Variants in DNAH1 observed in about 807,000 individuals in gnomAD.
DNAH1 encodes dynein axonemal heavy chain 1, also known as axonemal beta dynein heavy chain 1.
Under a neutral mutation model 484.3 loss-of-function variants are expected in DNAH1, and 327 were observed. That is an observed-to-expected ratio of 0.68 (90% CI 0.62 to 0.74). The LOEUF (loss-of-function observed/expected upper bound fraction) is 0.74, where lower values mean the gene tolerates loss of function less well. Among genes scored for constraint, DNAH1 ranks in the 30% least tolerant of loss-of-function variants. DNAH1 has a pLI of 0.00. For missense variants in DNAH1, 5,052 were observed against 5,546.8 expected (o/e 0.91, Z 2.83); for synonymous variants, 2,192 against 2,191.9 (o/e 1.00, Z 0.00).
chr3:52,334,439 C>G (rs901116420), intron 8 of DNAH1, among the ~76,000 whole-genome samples: 5 of 152,150 alleles, frequency 3.3e-5, no homozygotes, highest in Non-Finnish European at 7.3e-5. Flanking sequence ...ACTGTATACA[C>G]TTAGGCTACA....
At chr3:52,318,274 T>C (rs1701024179) in intron 1 of DNAH1, among the ~76,000 whole-genome samples, 1 of 152,334 alleles carries the variant, frequency 6.6e-6, no homozygotes, top group Non-Finnish European at 1.5e-5. Context: ...GGTCTTAAAC[T>C]CCTGACCTCG....
rs1304426791 is a variant in DNAH1, at chr3:52,322,665, G to A, written c.223G>A (p.Gly75Arg). 3 of 1,613,864 alleles carry A rather than the reference G, an allele frequency of 1.9e-6. No individual in the cohort carries two copies. The highest frequency in any genetic ancestry group is 1.3e-5 in the African/African-American group (1 of 75,002). ...PPAPPTLSDLGQPRKSPLTGT... is the reference protein window; with the variant it reads ...PPAPPTLSDLRQPRKSPLTGT... The stretch of plus-strand genomic sequence containing the variant: ...GGCCCCACCCACACTCTCAGACTTG[G>A]GGCAGCCACGGAAGTCACCCCTGAC... The change falls in exon 2 of 78, where the codon GGG becomes AGG. Residue 75 changes from glycine to arginine, a missense_variant. Gly to Arg is a moderately radical substitution (Grantham distance 125, BLOSUM62 -2). This residue lies in a region of DNAH1 where 1,263 missense variants were observed against 1,218.8 expected (regional missense o/e 1.04). Transcript: ENST00000420323.
Position 52,364,592 on chromosome 3 carries a change from T to C in DNAH1, c.5245-46T>C, listed in dbSNP as rs770647558. 17 of 1,607,016 alleles carry C rather than the reference T, an allele frequency of 1.1e-5. No individual in the cohort carries two copies. Among genetic ancestry groups the C allele is most frequent in the Non-Finnish European group, 1.4e-5 (16 of 1,173,986 alleles). On this transcript the variant is annotated intron_variant, in intron 32 of 77. Transcript: ENST00000420323. The surrounding 1 kb of genome is among the most constrained non-coding windows in gnomAD (Gnocchi z 4.2). ...GGCAGAGTGTTCCAGGCAGAAGCCT[T>C]GGAGAGGGACAGTGCTCACCCATGC...
At chr3:52,393,187 G>C in intron 65 of DNAH1, 147 bp from the exon 66 acceptor site, 1 of 1,440,648 alleles carries the variant, frequency 6.9e-7, no homozygotes, top group Non-Finnish European at 9.5e-7. Flanking sequence ...ACCCTCCTCC[G>C]AGCCCCTTCA....
chr3:52,390,117 T>A (rs891923721), intron 60 of DNAH1, among the ~76,000 whole-genome samples: 1 of 151,870 alleles, frequency 6.6e-6, no homozygotes, highest in Non-Finnish European at 1.5e-5. Flanking sequence ...CGAGACTCCG[T>A]CTCAAAAGAG....
At position 52,399,642 on chromosome 3, in the gene DNAH1, C is replaced by T; in HGVS notation, c.12539C>T (p.Ala4180Val). The change falls in exon 77 of 78, where the codon GCC becomes GTC. Residue 4180 changes from alanine to valine, a missense_variant. By Grantham distance (64) the Ala-to-Val change is moderately conservative. This residue lies in a region of DNAH1 where 853 missense variants were observed against 899.0 expected (regional missense o/e 0.95). Transcript: ENST00000420323. Reference sequence around the variant, plus strand: ...GAAGGTGCCCGCTGGGATCCAGAGGCCTTCCAGCTGGCTGAGTCTCAGCCC... The same window carrying T: ...GAAGGTGCCCGCTGGGATCCAGAGGTCTTCCAGCTGGCTGAGTCTCAGCCC... ...FLEGARWDPEAFQLAESQPKE... is the reference protein window; with the variant it reads ...FLEGARWDPEVFQLAESQPKE... 6.2e-7 allele frequency: 1 copy of T among 1,614,004 alleles called. No homozygotes were observed. Among genetic ancestry groups the T allele is most frequent in the Non-Finnish European group, 8.5e-7 (1 of 1,179,894 alleles).
intron 41 of DNAH1, among the ~76,000 whole-genome samples, chr3:52,371,490 C>T (rs1275891661): frequency 6.6e-6 from 1 of 152,192 alleles, no homozygotes; most frequent in Non-Finnish European, 1.5e-5. Context: ...TTTGTGCAGG[C>T]GGGGACAGTG....
chr3:52,366,657 TC>T, intron 35 of DNAH1, 75 bp from the exon 36 acceptor site: 1 of 1,532,366 alleles, frequency 6.5e-7, no homozygotes. Context: ...AGAATACCCC[TC>T]CCCCTCCCCT....
chr3:52,345,724 G>A lies in DNAH1; in HGVS notation c.1656+18G>A, dbSNP rs1361881631. The A allele has an allele frequency of 6.2e-7, 1 of 1,604,820 alleles. No individual in the cohort carries two copies. Among genetic ancestry groups the A allele is most frequent in the South Asian group, 1.1e-5 (1 of 89,408 alleles). ...TCTCCCAGGTTTGTGGGCATCAAGG[G>A]CACAGGGGGCAAACGCAGGGCAGAC... On this transcript the variant is annotated intron_variant, in intron 10 of 77. Transcript: ENST00000420323.
chr3:52,331,738 C>T (rs564447801), intron 7 of DNAH1, among the ~76,000 whole-genome samples: 1 of 150,028 alleles, frequency 6.7e-6, no homozygotes, highest in South Asian at 2.1e-4. Flanking sequence ...GATTCTCGTG[C>T]CTCAGTCTCC....
chr3:52,352,689 C>T lies in DNAH1; in HGVS notation c.3009C>T (p.Phe1003=). 2 of 1,612,180 alleles carry T rather than the reference C, an allele frequency of 1.2e-6. No homozygotes were observed. The highest frequency in any genetic ancestry group is 1.7e-6 in the Non-Finnish European group (2 of 1,178,942). ...TCTACAACAACCGCGAGCGCATCTTCAGCTTGCCCATCACCAATGTAGGCC... is the reference window on the plus strand; with the variant it reads ...TCTACAACAACCGCGAGCGCATCTTTAGCTTGCCCATCACCAATGTAGGCC... ...AMLYNNRERI[F]SLPITNYDKL... The change falls in exon 18 of 78, where the codon TTC becomes TTT. Residue 1003 remains phenylalanine, a synonymous_variant. Coordinates refer to ENST00000420323, the MANE Select transcript of DNAH1 (RefSeq NM_015512.5).
rs749686324 is a variant in DNAH1 at position 52,383,915 on chromosome 3, T to C, written c.8206T>C (p.Cys2736Arg). 195 of 1,613,440 alleles carry C rather than the reference T, an allele frequency of 1.2e-4. No homozygotes were observed. The highest frequency in any genetic ancestry group is 6.8e-4 in the Admixed American group (41 of 59,944). The change falls in exon 52 of 78, where the codon TGC (cysteine) becomes CGC (arginine). Residue 2736 changes from cysteine to arginine, a missense_variant. This residue lies in a region of DNAH1 where 2,929 missense variants were observed against 3,409.4 expected (regional missense o/e 0.86). Coordinates refer to ENST00000420323, the MANE Select transcript of DNAH1 (RefSeq NM_015512.5). ...GAGGCAGTTTCCCTCCCTGGTCAAC[T>C]GCTGTACCATCGACTGGTTTAACGA... ...RLRQFPSLVN[C>R]CTIDWFNEWP...
chr3:52,387,355 G>A (rs906648602), intron 56 of DNAH1, among the ~76,000 whole-genome samples: 3 of 152,120 alleles, frequency 2.0e-5, no homozygotes, highest in South Asian at 2.1e-4. Flanking sequence ...CCTTGGGCAC[G>A]TGGTCTCTCG....
At chr3:52,387,562 T>C (rs1030065236) in intron 56 of DNAH1, among the ~76,000 whole-genome samples, 11 of 152,008 alleles carry the variant, frequency 7.2e-5, no homozygotes, top group African/African-American at 9.7e-5. Flanking sequence ...CATTCCTCCT[T>C]CTCCTCTTCC....
In DNAH1 at chr3:52,388,346, G is replaced by A. The variant is rs1247410684; in HGVS notation, c.9171+12G>A. ...TGGAGCCCAAGCGGGTGAGGGCTGA[G>A]TGGAGCTGGTGGGGGAGGGCTCCCC... On this transcript the variant is annotated intron_variant, in intron 57 of 77. Coordinates refer to ENST00000420323, the MANE Select transcript of DNAH1 (RefSeq NM_015512.5). 1.2e-6 allele frequency: 2 copies of A among 1,600,868 alleles called. No individual in the cohort carries two copies. The highest frequency in any genetic ancestry group is 1.7e-6 in the Non-Finnish European group (2 of 1,173,484).
rs201549764 is a variant in DNAH1, at chr3:52,365,029, G to A, written c.5518+10G>A. 36 of 1,599,298 alleles carry A rather than the reference G, an allele frequency of 2.3e-5. No individual in the cohort carries two copies. Among genetic ancestry groups the A allele is most frequent in the South Asian group, 3.3e-5 (3 of 90,148 alleles). ...CTCAAGGATGTGGAGGGTGAGCCTCGGGCCCTGAGTGTTCGTGGAGGGGCT... is the reference window on the plus strand; with the variant it reads ...CTCAAGGATGTGGAGGGTGAGCCTCAGGCCCTGAGTGTTCGTGGAGGGGCT... On this transcript the variant is annotated intron_variant, in intron 34 of 77. Coordinates refer to ENST00000420323, the MANE Select transcript of DNAH1 (RefSeq NM_015512.5).
chr3:52,387,685 C>G (rs1704168754), intron 56 of DNAH1, among the ~76,000 whole-genome samples: 1 of 152,204 alleles, frequency 6.6e-6, no homozygotes, highest in African/African-American at 2.4e-5. Context: ...CAAGCTCTGA[C>G]CCCTGGGAGC....
chr3:52,324,098 T>G (rs1045293450), intron 3 of DNAH1, among the ~76,000 whole-genome samples: 1 of 151,966 alleles, frequency 6.6e-6, no homozygotes, highest in African/African-American at 2.4e-5. Flanking sequence ...GCCATGACCT[T>G]GATGCTGGGC....
chr3:52,360,866 G>A (rs548632718), intron 28 of DNAH1, among the ~76,000 whole-genome samples: 1 of 152,316 alleles, frequency 6.6e-6, no homozygotes, highest in African/African-American at 2.4e-5. Context: ...CTTGCCGCCT[G>A]TGTCTAGCAC....
Sources: allele counts gnomAD v4.1 joint callset (sites outside exome capture counted in the v4.1 genomes callset), GRCh38; gene constraint gnomAD v4.1.1; regional missense constraint gnomAD v4.1.1; non-coding constraint Gnocchi (gnomAD v3.1); transcripts MANE v1.5; gene names NCBI Gene and HGNC (gene_info 2026-07-23, HGNC 2026-07-21).